Variants in CPA3 observed in about 807,000 individuals in gnomAD.
CPA3 encodes the protein mast cell carboxypeptidase A.
In CPA3, 52 loss-of-function variants were observed where a neutral mutation model predicts 55.8. That is an observed-to-expected ratio of 0.93 (90% CI 0.75 to 1.17). CPA3 has a LOEUF of 1.17. Among genes scored for constraint, CPA3 ranks in the 50% most tolerant of loss-of-function variants. The pLI is 0.00. For synonymous variants in CPA3, 179 were observed against 171.2 expected, an observed-to-expected ratio of 1.05 and a Z score of -0.36; for missense variants, 547 against 509.1, an observed-to-expected ratio of 1.07 and a Z score of -0.72.
intron 3 of CPA3, among the ~76,000 whole-genome samples, chr3:148,873,443 C>T (rs982312789): frequency 1.1e-4 from 17 of 152,160 alleles, no homozygotes; most frequent in African/African-American, 4.1e-4. Context: ...CATAGTTCTC[C>T]AGTCCTTTGT....
At chr3:148,881,862 G>A (rs181032624) in intron 7 of CPA3, among the ~76,000 whole-genome samples, 1 of 152,228 alleles carries the variant, frequency 6.6e-6, no homozygotes, top group Admixed American at 6.5e-5. Flanking sequence ...ATGAAATAAA[G>A]TAGTAATTAC....
chr3:148,878,633 A>C lies in CPA3; in HGVS notation c.373-14A>C. The C allele has an allele frequency of 1.9e-6, 3 of 1,589,408 alleles. No individual in the cohort carries two copies. The highest frequency in any genetic ancestry group is 2.6e-6 in the Non-Finnish European group (3 of 1,163,668). The stretch of plus-strand genomic sequence containing the variant: ...CTTTTATTCTAATTTCTCAAAATTG[A>C]TTTTGCTCTTAAGATTGTGGCTTGG... On this transcript the variant is annotated splice_polypyrimidine_tract_variant and intron_variant, in intron 4 of 10. Transcript: ENST00000296046.
At chr3:148,870,454 T>C (rs977131934) in intron 3 of CPA3, among the ~76,000 whole-genome samples, 2 of 152,216 alleles carry the variant, frequency 1.3e-5, no homozygotes, top group African/African-American at 2.4e-5. Context: ...ATAAACTCCA[T>C]TGAAATTTAA....
intron 3 of CPA3, among the ~76,000 whole-genome samples, chr3:148,873,025 T>TACACACACACACACAC (rs10536988): frequency 9.6e-6 from 1 of 103,752 alleles, no homozygotes; most frequent in African/African-American, 2.9e-5. Context: ...CTTCTATGAA[T>TACACACACACACACAC]ACACACACAC....
chr3:148,891,487 CACACACACACACACACACACACACAT>C (rs955000579), intron 10 of CPA3, among the ~76,000 whole-genome samples: 1 of 137,812 alleles, frequency 7.3e-6, no homozygotes, highest in Admixed American at 7.0e-5. Context: ...CACATACACA[CACACACACACACACACACACACACAT>C]ACACACACAC....
At position 148,896,913 on chromosome 3, in the gene CPA3, C is replaced by A; in HGVS notation, c.*206C>A. 1 of 395,204 alleles carries A rather than the reference C, an allele frequency of 2.5e-6. No homozygotes were observed. Among genetic ancestry groups the A allele is most frequent in the African/African-American group, 2.0e-5 (1 of 49,528 alleles). The allele number at this position is 395,204 out of a possible 1,614,324, so 24.5% of individuals were successfully genotyped here. ...GCTTTAAGTGAAACCTTTTAACTACCTTTCTTTGCTCCAAGTGAAGTTTGG... is the reference window on the plus strand; with the variant it reads ...GCTTTAAGTGAAACCTTTTAACTACATTTCTTTGCTCCAAGTGAAGTTTGG... On this transcript the variant is annotated 3_prime_UTR_variant, in exon 11 of 11. Transcript: ENST00000296046.
chr3:148,892,622 C>T (rs1046534981), intron 10 of CPA3, among the ~76,000 whole-genome samples: 2 of 151,826 alleles, frequency 1.3e-5, no homozygotes, highest in African/African-American at 4.8e-5. Context: ...CACTCCACTT[C>T]AGTCTGGGCA....
At chr3:148,896,478 G>A (rs1177683111) in intron 10 of CPA3, 42 bp from the exon 11 acceptor site, 13 of 1,434,046 alleles carry the variant, frequency 9.1e-6, no homozygotes, top group Non-Finnish European at 1.0e-5. Flanking sequence ...AAAAACATTA[G>A]CATTTGTCTC....
rs117204711 is a variant in CPA3, at chr3:148,895,193, C to T, written c.1067-1327C>T. Among the ~76,000 whole-genome samples, 1,268 of 152,308 alleles carry T rather than the reference C, an allele frequency of 8.3e-3. 23 individuals carry two copies. Among genetic ancestry groups the T allele is most frequent in the Admixed American group, 0.048 (734 of 15,298 alleles). On this transcript the variant is annotated intron_variant, in intron 10 of 10. Coordinates refer to ENST00000296046, the MANE Select transcript of CPA3 (RefSeq NM_001870.4). Reference sequence around the variant, plus strand: ...CACAAGGTTTTCCAAGCTTTACTCACAAACTCTCACTGCTCCCTTTGCTCT... The same window carrying T: ...CACAAGGTTTTCCAAGCTTTACTCATAAACTCTCACTGCTCCCTTTGCTCT...
At chr3:148,869,135 G>C in intron 3 of CPA3, 96 bp downstream of exon 3, 1 of 1,394,742 alleles carries the variant, frequency 7.2e-7, no homozygotes, top group South Asian at 1.4e-5. Context: ...TTTTTAATTG[G>C]GCCCCCCAGA....
At chr3:148,889,733 A>T (rs1406136253) in intron 10 of CPA3, among the ~76,000 whole-genome samples, 5 of 151,860 alleles carry the variant, frequency 3.3e-5, no homozygotes, top group African/African-American at 4.8e-5. Context: ...AGCTGGGCGT[A>T]ATGGTGGGCA....
At position 148,883,820 on chromosome 3, in the gene CPA3, G is replaced by A. The variant is rs79362134; in HGVS notation, c.981+5G>A. The A allele has an allele frequency of 1.5e-3, 2,422 of 1,609,032 alleles. 47 individuals carry two copies. The East Asian group carries it at 0.049, about 32-fold the overall frequency. Reference sequence around the variant, plus strand: ...CCACCTAACCATGAGGACTTGGTACGTAGACAAAAGTTTGCACTTCATGCA... The same window carrying A: ...CCACCTAACCATGAGGACTTGGTACATAGACAAAAGTTTGCACTTCATGCA... On this transcript the variant is annotated splice_donor_5th_base_variant and intron_variant, in intron 9 of 10. Transcript: ENST00000296046.
intron 3 of CPA3, among the ~76,000 whole-genome samples, chr3:148,877,024 G>GTA (rs1270945120): frequency 2.6e-5 from 4 of 152,172 alleles, no homozygotes; most frequent in Admixed American, 2.6e-4. Context: ...GTATAAAGCA[G>GTA]TACCTGGCCT....
At chr3:148,879,659 C>T in intron 5 of CPA3, 129 bp from the exon 6 acceptor site, 2 of 643,124 alleles carry the variant, frequency 3.1e-6, no homozygotes, top group South Asian at 3.7e-5. Context: ...ACAATATGTG[C>T]ATACATGGTT....
At position 148,881,692 on chromosome 3, in the gene CPA3, T is replaced by C. The variant is rs1714372470; in HGVS notation, c.687+60T>C. On this transcript the variant is annotated intron_variant, in intron 7 of 10. Transcript: ENST00000296046. ...ATTATTTGCTGGCTTTAATACACAATGTTATGCATTCAGCTTAGGGTTTAG... is the reference window on the plus strand; with the variant it reads ...ATTATTTGCTGGCTTTAATACACAACGTTATGCATTCAGCTTAGGGTTTAG... The C allele has an allele frequency of 4.9e-6, 5 of 1,025,000 alleles. No homozygotes were observed. The East Asian group carries it at 1.0e-4, about 21-fold the overall frequency. The allele number at this position is 1,025,000 out of a possible 1,614,324, so 63.5% of individuals were successfully genotyped here. A position where few individuals can be genotyped will look rare whatever the true frequency, so the allele number is the denominator to read the frequency against.
At chr3:148,878,264 A>G (rs1714263167) in intron 3 of CPA3, among the ~76,000 whole-genome samples, 177 bp from the exon 4 acceptor site, 1 of 152,162 alleles carries the variant, frequency 6.6e-6, no homozygotes. Flanking sequence ...AAATGGGGAG[A>G]TCAGAAGCCA....
intron 3 of CPA3, among the ~76,000 whole-genome samples, chr3:148,873,856 C>T (rs143432754): frequency 3.9e-5 from 6 of 152,240 alleles, no homozygotes; most frequent in Non-Finnish European, 7.4e-5. Context: ...GAGAAAAGTG[C>T]CTGGCACATA....
intron 2 of CPA3, among the ~76,000 whole-genome samples, chr3:148,866,459 A>G (rs1713903535): frequency 1.3e-5 from 2 of 152,214 alleles, no homozygotes; most frequent in South Asian, 4.1e-4. Flanking sequence ...CTGCATTGCA[A>G]CCTGATTGCT....
chr3:148,882,305 T>C (rs1714393966), intron 7 of CPA3, among the ~76,000 whole-genome samples, 200 bp from the exon 8 acceptor site: 1 of 152,198 alleles, frequency 6.6e-6, no homozygotes. Context: ...AGCCTAAGGA[T>C]ATAATATTAA....
Sources: allele counts gnomAD v4.1 joint callset (sites outside exome capture counted in the v4.1 genomes callset), GRCh38; gene constraint gnomAD v4.1.1; transcripts MANE v1.5; gene names NCBI Gene and HGNC (gene_info 2026-07-23, HGNC 2026-07-21).